SSC5D: variants seen among roughly 807,000 people sequenced by gnomAD.
SSC5D encodes soluble scavenger receptor cysteine-rich domain-containing protein SSC5D.
A neutral mutation model predicts 104.6 loss-of-function variants in SSC5D; 106 were observed. The ratio of observed to expected loss-of-function variants is 1.01; its 90% confidence interval spans 0.87 to 1.19. SSC5D has a LOEUF of 1.19. Ranked by LOEUF, SSC5D falls within the 50% of genes most tolerant of loss-of-function variation. The pLI is 0.00. For synonymous variants in SSC5D, 860 were observed against 883.5 expected, an observed-to-expected ratio of 0.97 and a Z score of 0.47; for missense variants, 1,993 against 2,153.8, an observed-to-expected ratio of 0.93 and a Z score of 1.48.
chr19:55,507,339 CAA>C (rs36021371), intron 12 of SSC5D, among the ~76,000 whole-genome samples: 7 of 32,760 alleles, frequency 2.1e-4, no homozygotes, highest in Admixed American at 7.1e-4. Flanking sequence ...GACCCCGTCT[CAA>C]AAAAAAAAAA....
chr19:55,504,213 C>G, intron 12 of SSC5D: 5 of 1,532,686 alleles, frequency 3.3e-6, no homozygotes, highest in Non-Finnish European at 3.5e-6. Flanking sequence ...GTGGTGGAGG[C>G]GGGCACGTGC....
chr19:55,507,356 A>AG (rs1987657446), intron 12 of SSC5D, among the ~76,000 whole-genome samples: 1 of 149,018 alleles, frequency 6.7e-6, no homozygotes, highest in African/African-American at 2.5e-5. Context: ...AAAAAAAAAA[A>AG]AAAAAAGGAT....
chr19:55,504,371 G>A, intron 12 of SSC5D: 1 of 1,365,812 alleles, frequency 7.3e-7, no homozygotes, highest in Non-Finnish European at 9.4e-7. Context: ...TTATCAATAG[G>A]AAGACTTGGA....
At position 55,499,822 on chromosome 19, in the gene SSC5D, CA is replaced by C; in HGVS notation, c.1713del (p.Gly572AlafsTer37). The C allele has an allele frequency of 6.5e-7, 1 of 1,550,166 alleles. No homozygotes were observed. The highest frequency in any genetic ancestry group is 8.7e-7 in the Non-Finnish European group (1 of 1,145,862). On this transcript the variant is annotated frameshift_variant, in exon 10 of 14. Transcript: ENST00000389623. LOFTEE classifies it high-confidence loss of function. ...TGCCCCACTCACCTTCCAGGGCCCC[CA>C]GGCCTGGACTCCATCTCAGACCCCT... The part of the protein sequence containing the change: ...EDVGVTCTGP[P>X]GLDSISDPFS...
intron 13 of SSC5D, among the ~76,000 whole-genome samples, chr19:55,515,687 G>A (rs571896773): frequency 1.3e-4 from 19 of 150,946 alleles, no homozygotes; most frequent in African/African-American, 4.1e-4. Flanking sequence ...AGGCGAGATC[G>A]TGCCACTGCA....
chr19:55,493,662 C>T lies in SSC5D; in HGVS notation c.963C>T (p.His321=), dbSNP rs1185402611. ...GCGCCGGCCGCCTGGAGGTCTGGCA[C>T]GGGGGTCGCTGGGGGTCGGTGTGTG... The part of the protein sequence containing the change: ...HGCAGRLEVW[H]GGRWGSVCDD... Residue 321 remains histidine, a synonymous_variant, in exon 7 of 14, where the codon CAC becomes CAT. Transcript: ENST00000389623. The T allele has an allele frequency of 1.2e-5, 18 of 1,506,514 alleles. No individual in the cohort carries two copies. The highest frequency in any genetic ancestry group is 4.1e-4 in the Middle Eastern group (2 of 4,880). 93.3% of individuals were successfully genotyped at this position (1,506,514 alleles called of 1,614,324 possible).
chr19:55,497,895 G>C lies in SSC5D; in HGVS notation c.1403G>C (p.Arg468Pro). 1 of 1,539,808 alleles carries C rather than the reference G, an allele frequency of 6.5e-7. No homozygotes were observed. Among genetic ancestry groups the C allele is most frequent in the Non-Finnish European group, 8.8e-7 (1 of 1,137,814 alleles). ...PGPEAGSPQL[R>P]LVAGPSKCSG... The stretch of plus-strand genomic sequence containing the variant: ...TCTACCCCAGGGTCCCCCCAGCTGC[G>C]CCTGGTGGCTGGGCCCAGCAAGTGC... Residue 468 changes from arginine to proline, a missense_variant, in exon 9 of 14, where the codon CGC becomes CCC. Around this residue, in one of 6 missense-constraint regions of SSC5D, gnomAD observed 1,101 missense variants for 1,085.0 expected, o/e 1.01. Transcript: ENST00000389623.
intron 12 of SSC5D, among the ~76,000 whole-genome samples, chr19:55,506,373 ATTTTTTTTTTTTTTTTTTTTTTTTT>A (rs869296361): frequency 4.9e-4 from 35 of 71,998 alleles, no homozygotes; most frequent in South Asian, 1.2e-3. Flanking sequence ...TGGAATTTGG[ATTTTTTTTTTTTTTTTTTTTTTTTT>A]TTTTTTTTTT....
intron 13 of SSC5D, among the ~76,000 whole-genome samples, 159 bp downstream of exon 13, chr19:55,513,331 G>A (rs998820826): frequency 1.3e-5 from 2 of 152,222 alleles, no homozygotes; most frequent in African/African-American, 4.8e-5. Flanking sequence ...GCTCATGCCT[G>A]TAATCACAGC....
At chr19:55,495,233 A>ATATATATATTTTTT (rs1555765051) in intron 8 of SSC5D, among the ~76,000 whole-genome samples, 1 of 50,664 alleles carries the variant, frequency 2.0e-5, no homozygotes, top group African/African-American at 9.8e-5. Flanking sequence ...ATATATATAT[A>ATATATATATTTTTT]TTTTTTTTTT....
chr19:55,518,613 C>A lies in SSC5D; in HGVS notation c.4337C>A (p.Ala1446Asp). ...CCTGACCCCCTCCTTTCCCCCACAG[C>A]CCACCCCTTGGATCATCCTCCCCTT... is the stretch of plus-strand genomic sequence containing the variant. Reference protein sequence around the residue: ...VSPDPLLSPTAHPLDHPPLDP... With the variant: ...VSPDPLLSPTDHPLDHPPLDP... Residue 1446 changes from alanine (A) to aspartate (D), a missense_variant, in exon 14 of 14, where the codon GCC becomes GAC. Ala to Asp is a moderately radical substitution (Grantham distance 126). Around this residue, in one of 6 missense-constraint regions of SSC5D, gnomAD observed 349 missense variants for 397.6 expected, o/e 0.88. Coordinates refer to ENST00000389623, the MANE Select transcript of SSC5D (RefSeq NM_001144950.2). The A allele has an allele frequency of 6.5e-7, 1 of 1,528,276 alleles. No homozygotes were observed. The highest frequency in any genetic ancestry group is 8.8e-7 in the Non-Finnish European group (1 of 1,135,306). The allele number at this position is 1,528,276 out of a possible 1,614,324, so 94.7% of individuals were successfully genotyped here. A position where few individuals can be genotyped will look rare whatever the true frequency, so the allele number is the denominator to read the frequency against.
intron 13 of SSC5D, 71 bp from the exon 14 acceptor site, chr19:55,517,153 G>A: frequency 7.2e-7 from 1 of 1,382,856 alleles, no homozygotes; most frequent in South Asian, 1.4e-5. Context: ...TCCTCGAGGG[G>A]CGGGGCGGGA....
At position 55,489,455 on chromosome 19, in the gene SSC5D, C is replaced by T. The variant is rs1198611541; in HGVS notation, c.154C>T (p.Arg52Cys). 4.1e-6 allele frequency: 6 copies of T among 1,480,888 alleles called. No individual in the cohort carries two copies. The highest frequency in any genetic ancestry group is 1.4e-5 in the South Asian group (1 of 73,924). The allele number at this position is 1,480,888 out of a possible 1,614,324, so 91.7% of individuals were successfully genotyped here. Residue 52 changes from arginine (R) to cysteine (C), a missense_variant, in exon 3 of 14, where the codon CGC becomes TGC. Physicochemically the swap from Arg to Cys is radical, Grantham distance 180 (BLOSUM62 -3). This residue lies in a region of SSC5D where 1,101 missense variants were observed against 1,085.0 expected (regional missense o/e 1.01). Transcript: ENST00000389623. ...CGTGTGTGATGACGGCTGGGACCTG[C>T]GCGATGCCGCCGTGGCCTGCCGGCA... ...GTVCDDGWDL[R>C]DAAVACRQLG...
chr19:55,492,470 A>G (rs574181207), intron 6 of SSC5D: 18 of 152,224 alleles, frequency 1.2e-4, no homozygotes, highest in African/African-American at 3.6e-4. Context: ...AGGTGCCAAG[A>G]AAGGAAACAA....
chr19:55,490,857 C>A lies in SSC5D; in HGVS notation c.672C>A (p.Asp224Glu). 6.5e-7 allele frequency: 1 copy of A among 1,547,042 alleles called. No individual in the cohort carries two copies. Among genetic ancestry groups the A allele is most frequent in the Admixed American group, 2.0e-5 (1 of 50,564 alleles). Reference sequence around the variant, plus strand: ...GCGGGCGCTGGGGCACCGTATGTGACGATGGCTGGGACCTGCGCGACGCTG... The same window carrying A: ...GCGGGCGCTGGGGCACCGTATGTGAAGATGGCTGGGACCTGCGCGACGCTG... The part of the protein sequence containing the change: ...WHGGRWGTVC[D>E]DGWDLRDAAV... Residue 224 changes from aspartate (D) to glutamate (E), a missense_variant, in exon 6 of 14, where the codon GAC becomes GAA. By Grantham distance (45) the Asp-to-Glu change is conservative (BLOSUM62 2). Coordinates refer to ENST00000389623, the MANE Select transcript of SSC5D (RefSeq NM_001144950.2).
chr19:55,504,155 C>G, intron 12 of SSC5D: 1 of 1,535,736 alleles, frequency 6.5e-7, no homozygotes, highest in Non-Finnish European at 8.7e-7. Context: ...GCTCCTCGTT[C>G]AAGGACTGCC....
rs375010188 is a variant in SSC5D at position 55,499,969 on chromosome 19, C to T, written c.1859C>T (p.Ala620Val). 1 of 1,551,882 alleles carries T rather than the reference C, an allele frequency of 6.4e-7. No homozygotes were observed. The highest frequency in any genetic ancestry group is 2.0e-5 in the Admixed American group (1 of 50,984). Residue 620 changes from alanine (A) to valine (V), a missense_variant, in exon 10 of 14, where the codon GCC (alanine) becomes GTC (valine). Coordinates refer to ENST00000389623, the MANE Select transcript of SSC5D (RefSeq NM_001144950.2). The part of the protein sequence containing the change: ...ASVLEKTTTK[A>V]PGKMPKSTKK... ...GTTCTGGAGAAAACAACCACGAAGG[C>T]CCCAGGGAAAATGCCTAAGAGTACT... is the stretch of plus-strand genomic sequence containing the variant.
chr19:55,497,858 C>A, intron 8 of SSC5D, 22 bp from the exon 9 acceptor site: 1 of 1,503,940 alleles, frequency 6.6e-7, no homozygotes, highest in Non-Finnish European at 8.9e-7. Flanking sequence ...GACTCTAATT[C>A]TTTGGGTCTC....
chr19:55,515,941 C>G (rs1987862164), intron 13 of SSC5D, among the ~76,000 whole-genome samples: 1 of 152,028 alleles, frequency 6.6e-6, no homozygotes, highest in Non-Finnish European at 1.5e-5. Flanking sequence ...AGCCCTGCAA[C>G]TTGCAAACTA....
Sources: allele counts gnomAD v4.1 joint callset (sites outside exome capture counted in the v4.1 genomes callset), GRCh38; gene constraint gnomAD v4.1.1; regional missense constraint gnomAD v4.1.1; transcripts MANE v1.5; gene names NCBI Gene and HGNC (gene_info 2026-07-23, HGNC 2026-07-21).